Variants in XIRP2 observed in about 807,000 individuals in gnomAD.
XIRP2 encodes xin actin binding repeat containing 2, also known as xin actin-binding repeat-containing protein 2.
Under a neutral mutation model 277.0 loss-of-function variants are expected in XIRP2, and 236 were observed. That is an observed-to-expected ratio of 0.85 (90% CI 0.77 to 0.95). XIRP2 has a LOEUF of 0.95. Among genes scored for constraint, XIRP2 ranks in the 40% least tolerant of loss-of-function variants. The pLI, the probability that XIRP2 is intolerant of heterozygous loss-of-function variation, is 0.00. For missense variants in XIRP2, 4,640 were observed against 4,157.5 expected (o/e 1.12, Z -3.19); for synonymous variants, 1,490 against 1,416.5 (o/e 1.05, Z -1.17).
At chr2:167,213,947 G>A (rs562668147) in intron 4 of XIRP2, among the ~76,000 whole-genome samples, 7 of 151,766 alleles carry the variant, frequency 4.6e-5, no homozygotes, top group Non-Finnish European at 8.8e-5. Context: ...AATAATCCGC[G>A]GTGGCTCACC....
At chr2:167,252,025 A>G (rs771624251) in intron 9 of XIRP2, 78 bp downstream of exon 9, 51 of 1,496,290 alleles carry the variant, frequency 3.4e-5, no homozygotes, top group Non-Finnish European at 4.4e-5. Context: ...ATGTACAGTT[A>G]AAAAGAGTGC....
intron 3 of XIRP2, among the ~76,000 whole-genome samples, chr2:167,171,855 A>G (rs1363692556): frequency 6.6e-6 from 1 of 152,224 alleles, no homozygotes; most frequent in East Asian, 1.9e-4. Context: ...TTTTTCTGAC[A>G]TCAATATAGC....
intron 2 of XIRP2, among the ~76,000 whole-genome samples, chr2:167,048,523 C>A (rs1037182004): frequency 1.3e-5 from 2 of 151,014 alleles, no homozygotes; most frequent in African/African-American, 4.9e-5. Flanking sequence ...GCTTGGTATA[C>A]CTTCTATATT....
At position 167,210,875 on chromosome 2, in the gene XIRP2, T is replaced by C. The variant is rs1344483077; in HGVS notation, c.703T>C (p.Cys235Arg). 11 of 1,614,030 alleles carry C rather than the reference T, an allele frequency of 6.8e-6. No homozygotes were observed. Among genetic ancestry groups the C allele is most frequent in the African/African-American group, 5.3e-5 (4 of 74,934 alleles). The change falls in exon 4 of 11, where the codon TGC (cysteine) becomes CGC (arginine). Residue 235 changes from cysteine to arginine, a missense_variant. Coordinates refer to ENST00000409195, the MANE Select transcript of XIRP2 (RefSeq NM_152381.6). ...RYQAAVSRGD[C>R]RSFSANMMEE... ...CCAGGCAGCTGTTTCCAGGGGTGAC[T>C]GCCGCAGCTTCTCTGCTAATGTAAG... is the stretch of plus-strand genomic sequence containing the variant.
chr2:167,082,426 A>G (rs895324251), intron 2 of XIRP2, among the ~76,000 whole-genome samples: 25 of 152,074 alleles, frequency 1.6e-4, no homozygotes, highest in Non-Finnish European at 3.4e-4. Flanking sequence ...GTGTCTTTAT[A>G]GCAGCATGAT....
At position 166,894,163 on chromosome 2, in the gene XIRP2, G is replaced by A. The variant is rs910565648; in HGVS notation, c.-19+5606G>A. The stretch of plus-strand genomic sequence containing the variant: ...ACTCAAAGTTACAATAATAGAGGCC[G>A]GAGATAATTCTTACAATGACAGAGA... On this transcript the variant is annotated intron_variant, in intron 1 of 10. Transcript: ENST00000409195. 1.4e-4 allele frequency among the ~76,000 whole-genome samples: 22 copies of A among 152,148 alleles called. 1 individual carries two copies. The highest frequency in any genetic ancestry group is 4.1e-4 in the African/African-American group (17 of 41,538).
rs1684439136 is a variant in XIRP2 at position 166,903,603 on chromosome 2, A to T, written c.121A>T (p.Ser41Cys). 6.2e-7 allele frequency: 1 copy of T among 1,613,676 alleles called. No homozygotes were observed. The highest frequency in any genetic ancestry group is 8.5e-7 in the Non-Finnish European group (1 of 1,179,780). Residue 41 changes from serine (S) to cysteine (C), a missense_variant, in exon 2 of 11, where the codon AGC becomes TGC. Transcript: ENST00000409195. ...TTGTACAATTTTCCAGCCTCAGGAA[A>T]GCAAATTGCTTGCGCCTGAAGGAGA... ...SHCTIFQPQE[S>C]KLLAPEGEVV...
chr2:167,036,606 A>C (rs778218765), intron 2 of XIRP2, among the ~76,000 whole-genome samples: 1 of 152,124 alleles, frequency 6.6e-6, no homozygotes, highest in Non-Finnish European at 1.5e-5. Flanking sequence ...TCTCTCAGAT[A>C]AAACTTTGGA....
At chr2:167,024,838 C>T (rs1303264351) in intron 2 of XIRP2, among the ~76,000 whole-genome samples, 2 of 152,110 alleles carry the variant, frequency 1.3e-5, no homozygotes, top group Non-Finnish European at 2.9e-5. Context: ...TTTTGATGTG[C>T]TGCTGGATTT....
intron 2 of XIRP2, among the ~76,000 whole-genome samples, chr2:167,027,394 T>C (rs1452547960): frequency 6.6e-6 from 1 of 152,168 alleles, no homozygotes; most frequent in Non-Finnish European, 1.5e-5. Context: ...CTATTCTAGT[T>C]ATCCATTCGT....
At chr2:167,196,438 G>GTA (rs1693515772) in intron 3 of XIRP2, among the ~76,000 whole-genome samples, 1 of 151,566 alleles carries the variant, frequency 6.6e-6, no homozygotes, top group African/African-American at 2.4e-5. Context: ...GTGTGTGTGT[G>GTA]TGTGTGTGTG....
intron 2 of XIRP2, among the ~76,000 whole-genome samples, chr2:166,977,576 T>A (rs1686748269): frequency 6.6e-6 from 1 of 152,164 alleles, no homozygotes; most frequent in Admixed American, 6.5e-5. Context: ...TTTTAGTAAT[T>A]TTTTCCATTG....
Position 167,242,931 on chromosome 2 carries a change from A to G in XIRP2, c.1539A>G (p.Leu513=). 1.2e-6 allele frequency: 2 copies of G among 1,613,566 alleles called. No homozygotes were observed. The highest frequency in any genetic ancestry group is 1.7e-6 in the Non-Finnish European group (2 of 1,179,864). ...TCCATCCTGAGTTAAGAAAAAACTTAGAAAAAGATTATATCAGTGAAGTTT... is the reference window on the plus strand; with the variant it reads ...TCCATCCTGAGTTAAGAAAAAACTTGGAAAAAGATTATATCAGTGAAGTTT... ...KHIHPELRKN[L]EKDYISEVSE... The change falls in exon 9 of 11, where the codon TTA becomes TTG. Residue 513 remains leucine (L), a synonymous_variant. Coordinates refer to ENST00000409195, the MANE Select transcript of XIRP2 (RefSeq NM_152381.6).
intron 2 of XIRP2, among the ~76,000 whole-genome samples, chr2:166,910,034 A>G (rs184641480): frequency 1.1e-3 from 165 of 152,208 alleles, no homozygotes; most frequent in Middle Eastern, 3.4e-3. Context: ...CTGAGGATTT[A>G]GGCATCAATG....
At position 167,202,588 on chromosome 2, in the gene XIRP2, T is replaced by C. The variant is rs562999278; in HGVS notation, c.563-8147T>C. Among the ~76,000 whole-genome samples the C allele has an allele frequency of 1.2e-4, 18 of 152,304 alleles. No individual in the cohort carries two copies. The South Asian group carries it at 3.1e-3, about 26-fold the overall frequency. On this transcript the variant is annotated intron_variant, in intron 3 of 10. Transcript: ENST00000409195. ...TAATTTCAGAGATGGCTCCATCACA[T>C]AGTGGTTTGTGTATTTACGTGTCTG... is the stretch of plus-strand genomic sequence containing the variant.
chr2:167,015,734 G>T (rs1235811604), intron 2 of XIRP2, among the ~76,000 whole-genome samples: 3 of 151,710 alleles, frequency 2.0e-5, no homozygotes, highest in Non-Finnish European at 2.9e-5. Context: ...TACAGGGAAG[G>T]TTAAGTACCC....
chr2:167,009,150 T>A (rs1687590691), intron 2 of XIRP2, among the ~76,000 whole-genome samples: 1 of 151,742 alleles, frequency 6.6e-6, no homozygotes. Context: ...GCCCTGCTGG[T>A]GTGCTGCATC....
chr2:167,086,036 C>A (rs1281479973), intron 2 of XIRP2, among the ~76,000 whole-genome samples: 4 of 151,948 alleles, frequency 2.6e-5, no homozygotes, highest in African/African-American at 9.7e-5. Context: ...TCTTCCTAGT[C>A]TCGATGGTCT....
At chr2:167,169,843 A>G (rs1378325880) in intron 3 of XIRP2, among the ~76,000 whole-genome samples, 1 of 152,130 alleles carries the variant, frequency 6.6e-6, no homozygotes, top group African/African-American at 2.4e-5. Context: ...ATTGTTGAAT[A>G]TATGGTTATG....
Sources: allele counts gnomAD v4.1 joint callset (sites outside exome capture counted in the v4.1 genomes callset), GRCh38; gene constraint gnomAD v4.1.1; transcripts MANE v1.5; gene names NCBI Gene and HGNC (gene_info 2026-07-23, HGNC 2026-07-21).